Variants in SPOCK3 observed in about 807,000 individuals in gnomAD.
The protein encoded by SPOCK3 is testican-3.
A neutral mutation model predicts 56.6 loss-of-function variants in SPOCK3; 30 were observed. The ratio of observed to expected loss-of-function variants is 0.53; its 90% confidence interval spans 0.40 to 0.72. SPOCK3 has a LOEUF of 0.72. Ranked by LOEUF, SPOCK3 falls within the 30% of genes least tolerant of loss-of-function variation. SPOCK3 has a pLI of 0.00. For synonymous variants in SPOCK3, 196 were observed against 183.3 expected (o/e 1.07, Z -0.56); for missense variants, 527 against 530.0 (o/e 0.99, Z 0.06).
intron 6 of SPOCK3, among the ~76,000 whole-genome samples, chr4:166,810,289 A>C (rs1303748228): frequency 6.6e-6 from 1 of 152,288 alleles, no homozygotes; most frequent in East Asian, 1.9e-4. Flanking sequence ...TGCATAAAGC[A>C]AATAAAATAT....
chr4:167,058,960 G>T (rs2150238402), intron 3 of SPOCK3, among the ~76,000 whole-genome samples: 1 of 152,246 alleles, frequency 6.6e-6, no homozygotes, highest in East Asian at 1.9e-4. Context: ...GTAGAAAGCT[G>T]AAACTGGATC....
intron 8 of SPOCK3, among the ~76,000 whole-genome samples, chr4:166,752,506 C>G (rs745734535): frequency 6.8e-4 from 100 of 147,292 alleles, no homozygotes; most frequent in Non-Finnish European, 1.3e-3. Flanking sequence ...TTTTTGAGAG[C>G]GAGAGCTCTA....
intron 6 of SPOCK3, among the ~76,000 whole-genome samples, chr4:166,847,204 T>C (rs1748144054): frequency 6.6e-6 from 1 of 152,126 alleles, no homozygotes; most frequent in East Asian, 1.9e-4. Flanking sequence ...AGTTTCTTTT[T>C]CAAGCTAAGT....
intron 2 of SPOCK3, among the ~76,000 whole-genome samples, chr4:167,230,818 C>T (rs1042866202): frequency 6.6e-6 from 1 of 152,084 alleles, no homozygotes; most frequent in Non-Finnish European, 1.5e-5. Context: ...TCGTACACTC[C>T]AAGCGTCCTT....
chr4:166,868,555 C>A (rs1045212865), intron 6 of SPOCK3, among the ~76,000 whole-genome samples: 1 of 152,086 alleles, frequency 6.6e-6, no homozygotes, highest in Non-Finnish European at 1.5e-5. Context: ...TTCTTAAAAC[C>A]TATGTCCAGG....
chr4:166,838,729 T>C (rs1746899122), intron 6 of SPOCK3, among the ~76,000 whole-genome samples: 1 of 138,332 alleles, frequency 7.2e-6, no homozygotes, highest in Non-Finnish European at 1.5e-5. Flanking sequence ...CGTGAGCGGA[T>C]CACAAAGTCA....
intron 4 of SPOCK3, among the ~76,000 whole-genome samples, chr4:166,940,526 T>C (rs1241388647): frequency 6.6e-6 from 1 of 151,990 alleles, no homozygotes; most frequent in Non-Finnish European, 1.5e-5. Flanking sequence ...AGCAAAGCTA[T>C]CTTCGGTAGA....
chr4:166,933,427 T>G (rs1265278704), intron 4 of SPOCK3, among the ~76,000 whole-genome samples: 1 of 152,190 alleles, frequency 6.6e-6, no homozygotes, highest in Non-Finnish European at 1.5e-5. Context: ...TCAGCTCAAG[T>G]GCTGGTTCCA....
At chr4:166,769,573 C>T (rs918791323) in intron 7 of SPOCK3, among the ~76,000 whole-genome samples, 1 of 152,086 alleles carries the variant, frequency 6.6e-6, no homozygotes, top group African/African-American at 2.4e-5. Flanking sequence ...GGTACCTGGC[C>T]ATGTGAGGTG....
intron 6 of SPOCK3, among the ~76,000 whole-genome samples, chr4:166,840,797 T>TTTTTTA (rs1245413169): frequency 7.7e-6 from 1 of 130,478 alleles, no homozygotes; most frequent in African/African-American, 2.6e-5. Context: ...TTTTTTTTTT[T>TTTTTTA]AGATGCAGTC....
chr4:166,838,290 T>G (rs1746844863), intron 6 of SPOCK3, among the ~76,000 whole-genome samples: 1 of 152,176 alleles, frequency 6.6e-6, no homozygotes, highest in African/African-American at 2.4e-5. Flanking sequence ...TGTCAAAGAC[T>G]CAAATGACAT....
At chr4:167,101,510 C>G (rs1489751293) in intron 2 of SPOCK3, among the ~76,000 whole-genome samples, 1 of 151,962 alleles carries the variant, frequency 6.6e-6, no homozygotes, top group Non-Finnish European at 1.5e-5. Context: ...CAGAAACTCA[C>G]ATGATCATAT....
intron 4 of SPOCK3, among the ~76,000 whole-genome samples, chr4:166,930,980 C>T (rs1739677201): frequency 6.6e-6 from 1 of 152,060 alleles, no homozygotes; most frequent in African/African-American, 2.4e-5. Flanking sequence ...TGCCTACACA[C>T]AGAAACAATT....
intron 4 of SPOCK3, among the ~76,000 whole-genome samples, chr4:166,921,063 GAAGA>G: frequency 6.6e-6 from 1 of 152,254 alleles, no homozygotes; most frequent in Non-Finnish European, 1.5e-5. Flanking sequence ...GTTGCAGAAA[GAAGA>G]AAGAAACTAC....
At chr4:166,738,947 C>T (rs1490739651) in intron 9 of SPOCK3, among the ~76,000 whole-genome samples, 4 of 152,126 alleles carry the variant, frequency 2.6e-5, no homozygotes, top group South Asian at 2.1e-4. Flanking sequence ...CATGTGTCTT[C>T]ATAGCAGCAT....
At chr4:166,738,611 C>T (rs1734482832) in intron 9 of SPOCK3, among the ~76,000 whole-genome samples, 1 of 94,642 alleles carries the variant, frequency 1.1e-5, no homozygotes, top group East Asian at 4.0e-4. Context: ...TAATGCTATC[C>T]CTCCCCCCTC....
chr4:167,234,180 G>T lies in SPOCK3; in HGVS notation c.1-7C>A. On this transcript the variant is annotated splice_region_variant and splice_polypyrimidine_tract_variant and intron_variant, in intron 1 of 10. Coordinates refer to ENST00000357545, the MANE Select transcript of SPOCK3 (RefSeq NM_001040159.2). ...CGGCTGACACCTTGAGCATCTGGGA[G>T]AGGAGACACAACGGGGGGTGGGGGG... is the stretch of plus-strand genomic sequence containing the variant. The T allele has an allele frequency of 1.2e-6, 2 of 1,611,114 alleles. No individual in the cohort carries two copies. The highest frequency in any genetic ancestry group is 4.5e-5 in the East Asian group (2 of 44,804).
At chr4:166,970,294 C>A (rs1745230763) in intron 4 of SPOCK3, among the ~76,000 whole-genome samples, 1 of 152,180 alleles carries the variant, frequency 6.6e-6, no homozygotes, top group South Asian at 2.1e-4. Context: ...AGCTCCTTAC[C>A]TATAATGTTC....
intron 6 of SPOCK3, among the ~76,000 whole-genome samples, chr4:166,857,515 A>T (rs1320401600): frequency 6.6e-6 from 1 of 152,224 alleles, no homozygotes; most frequent in Admixed American, 6.5e-5. Flanking sequence ...TGGAGGTCCC[A>T]GTGTGTCTTG....
Sources: gnomAD v4.1 joint callset for allele counts (sites outside exome capture counted in the v4.1 genomes callset) on GRCh38, gnomAD v4.1.1 for gene constraint, MANE v1.5 for transcripts, NCBI Gene and HGNC (gene_info 2026-07-23, HGNC 2026-07-21) for gene names.